Variants in EXOC2 observed in about 807,000 individuals in gnomAD.
The protein encoded by EXOC2 is SEC5-like 1.
In EXOC2, 70 loss-of-function variants were observed where a neutral mutation model predicts 131.8. That is an observed-to-expected ratio of 0.53 (90% CI 0.44 to 0.65). The LOEUF (loss-of-function observed/expected upper bound fraction) is 0.65. Ranked by LOEUF, EXOC2 falls within the 30% of genes least tolerant of loss-of-function variation. The pLI is 0.00. For missense variants in EXOC2, 923 were observed against 1,108.6 expected (o/e 0.83, Z 2.38); for synonymous variants, 411 against 398.4 (o/e 1.03, Z -0.38).
intron 1 of EXOC2, among the ~76,000 whole-genome samples, chr6:655,455 A>T (rs1763029855): frequency 6.6e-6 from 1 of 152,246 alleles, no homozygotes; most frequent in Non-Finnish European, 1.5e-5. Flanking sequence ...TGCTTTTTGC[A>T]GTGGTCTGGA....
At chr6:510,397 T>G (rs1157165985) in intron 23 of EXOC2, among the ~76,000 whole-genome samples, 1 of 152,178 alleles carries the variant, frequency 6.6e-6, no homozygotes, top group Non-Finnish European at 1.5e-5. Flanking sequence ...TTCATTGCTT[T>G]CATCAGTAGG....
At chr6:658,959 G>C (rs555355661) in intron 1 of EXOC2, among the ~76,000 whole-genome samples, 24 of 152,158 alleles carry the variant, frequency 1.6e-4, no homozygotes, top group Non-Finnish European at 2.4e-4. Context: ...ACTGCGCCCA[G>C]CCAAGATATT....
intron 11 of EXOC2, among the ~76,000 whole-genome samples, chr6:589,373 T>C (rs926639647): frequency 1.3e-5 from 2 of 151,622 alleles, no homozygotes; most frequent in East Asian, 3.9e-4. Flanking sequence ...TCTAGAGAAC[T>C]GACTGTCCAG....
rs540283722 is a variant in EXOC2, at chr6:572,443, T to C, written c.1443+77A>G. The C allele has an allele frequency of 1.6e-5, 24 of 1,514,522 alleles. No individual in the cohort carries two copies. In the South Asian group the frequency reaches 2.4e-4, roughly 15 times the overall value. 93.8% of individuals were successfully genotyped at this position (1,514,522 alleles called of 1,614,324 possible). A position where few individuals can be genotyped will look rare whatever the true frequency, so the allele number is the denominator to read the frequency against. On this transcript the variant is annotated intron_variant, in intron 13 of 27. Transcript: ENST00000230449. ...TGTTGGGCCTCTACATTTTAAAAAA[T>C]CACTTAAATCTAACATTTTAAAGAC...
chr6:519,236 CCGACA>C (rs1765339343), intron 23 of EXOC2, among the ~76,000 whole-genome samples: 1 of 1,378 alleles, frequency 7.3e-4, no homozygotes. Flanking sequence ...CCACCGAGCG[CCGACA>C]CTCACCGTCC....
intron 7 of EXOC2, among the ~76,000 whole-genome samples, chr6:609,542 C>G (rs1029126991): frequency 1.3e-5 from 2 of 152,288 alleles, no homozygotes; most frequent in Admixed American, 6.5e-5. Context: ...GGGACGTGGA[C>G]AGAACTCAAA....
intron 6 of EXOC2, among the ~76,000 whole-genome samples, chr6:612,796 T>A (rs1306031181): frequency 6.7e-6 from 1 of 149,268 alleles, no homozygotes; most frequent in Non-Finnish European, 1.5e-5. Context: ...CATGCGTAAT[T>A]TAGTCTGTTT....
chr6:570,600 T>A (rs1758225405), intron 13 of EXOC2, among the ~76,000 whole-genome samples: 1 of 152,230 alleles, frequency 6.6e-6, no homozygotes, highest in African/African-American at 2.4e-5. Flanking sequence ...AATACTGGAA[T>A]AAATTTTACT....
At chr6:509,265 T>A (rs1764723615) in intron 23 of EXOC2, among the ~76,000 whole-genome samples, 1 of 152,238 alleles carries the variant, frequency 6.6e-6, no homozygotes, top group Non-Finnish European at 1.5e-5. Flanking sequence ...TAAATAATGC[T>A]GCAATAAACA....
chr6:538,166 G>T (rs762050310), intron 22 of EXOC2, among the ~76,000 whole-genome samples: 1 of 152,220 alleles, frequency 6.6e-6, no homozygotes, highest in Non-Finnish European at 1.5e-5. Context: ...AATGTGTGAT[G>T]AGGCAGGATC....
At chr6:592,690 G>T in intron 10 of EXOC2, 103 bp from the exon 11 acceptor site, 1 of 759,654 alleles carries the variant, frequency 1.3e-6, no homozygotes, top group Non-Finnish European at 2.2e-6. Context: ...CTTGTGCCCT[G>T]TCAAATATTA....
chr6:564,944 A>G lies in EXOC2; in HGVS notation c.1444-15T>C, dbSNP rs750810140. ...TTCTCAGCAGTCTTAAAAATTAAAAAAACAAAATAAAACATATTAGAAATA... is the reference window on the plus strand; with the variant it reads ...TTCTCAGCAGTCTTAAAAATTAAAAGAACAAAATAAAACATATTAGAAATA... On this transcript the variant is annotated splice_polypyrimidine_tract_variant and intron_variant, in intron 13 of 27. Transcript: ENST00000230449. 7.7e-6 allele frequency: 12 copies of G among 1,565,700 alleles called. No individual in the cohort carries two copies. The highest frequency in any genetic ancestry group is 7.2e-5 in the South Asian group (6 of 83,046).
At chr6:561,057 T>C (rs1011893593) in intron 17 of EXOC2, among the ~76,000 whole-genome samples, 2 of 152,174 alleles carry the variant, frequency 1.3e-5, no homozygotes, top group South Asian at 4.1e-4. Context: ...AGAATCTTAA[T>C]TGACTTATTA....
At chr6:562,303 G>A (rs1394695487) in intron 17 of EXOC2, among the ~76,000 whole-genome samples, 1 of 152,236 alleles carries the variant, frequency 6.6e-6, no homozygotes, top group Non-Finnish European at 1.5e-5. Context: ...AAATCATGAA[G>A]ATGATTTTTA....
At position 549,145 on chromosome 6, in the gene EXOC2, G is replaced by T. The variant is rs373381751; in HGVS notation, c.2238+30C>A. 68 of 1,567,574 alleles carry T rather than the reference G, an allele frequency of 4.3e-5. No individual in the cohort carries two copies. In the South Asian group the frequency reaches 5.2e-4, roughly 12 times the overall value. ...TGAAAACTGAGCTGGTAAAACCACC[G>T]ACTTGTGCGTTTTACATGAACTCGC... is the stretch of plus-strand genomic sequence containing the variant. On this transcript the variant is annotated intron_variant, in intron 22 of 27. Coordinates refer to ENST00000230449, the MANE Select transcript of EXOC2 (RefSeq NM_018303.6).
At chr6:679,782 G>T (rs1274041980) in intron 1 of EXOC2, among the ~76,000 whole-genome samples, 2 of 152,138 alleles carry the variant, frequency 1.3e-5, no homozygotes, top group Non-Finnish European at 2.9e-5. Context: ...GCGAAACCAA[G>T]AGAATACTTA....
At position 564,888 on chromosome 6, in the gene EXOC2, T is replaced by C; in HGVS notation, c.1485A>G (p.Val495=). The change falls in exon 14 of 28, where the codon GTA becomes GTG. Residue 495 remains valine, a synonymous_variant. Transcript: ENST00000230449. ...KSGQIERSKN[V]RQRQNDFKKM... ...CCTTAAAATCATTTTGTCTTTGCCTTACATTCTTTGATCTTTCAATCTGGC... is the reference window on the plus strand; with the variant it reads ...CCTTAAAATCATTTTGTCTTTGCCTCACATTCTTTGATCTTTCAATCTGGC... The C allele has an allele frequency of 1.2e-6, 2 of 1,613,074 alleles. No homozygotes were observed. Among genetic ancestry groups the C allele is most frequent in the Non-Finnish European group, 1.7e-6 (2 of 1,179,640 alleles).
At chr6:557,283 TA>T (rs1185457862) in intron 17 of EXOC2, among the ~76,000 whole-genome samples, 1 of 152,104 alleles carries the variant, frequency 6.6e-6, no homozygotes, top group East Asian at 1.9e-4. Flanking sequence ...TTTAAAAAAG[TA>T]TAGAAATAAA....
chr6:560,286 C>T (rs1041509943), intron 17 of EXOC2, among the ~76,000 whole-genome samples: 1 of 152,200 alleles, frequency 6.6e-6, no homozygotes, highest in African/African-American at 2.4e-5. Context: ...TAGGGTCAGA[C>T]AGACTACATG....
Sources: allele counts gnomAD v4.1 joint callset (sites outside exome capture counted in the v4.1 genomes callset), GRCh38; gene constraint gnomAD v4.1.1; transcripts MANE v1.5; gene names NCBI Gene and HGNC (gene_info 2026-07-23, HGNC 2026-07-21).